The following ME3 variants were observed in gnomAD, a reference collection of about 807,000 sequenced individuals.
The protein encoded by ME3 is NADP-dependent malic enzyme, mitochondrial.
Under a neutral mutation model 68.9 loss-of-function variants are expected in ME3, and 48 were observed. That is an observed-to-expected ratio of 0.70 (90% CI 0.55 to 0.89). ME3 has a LOEUF of 0.89. Among genes scored for constraint, ME3 ranks in the 40% least tolerant of loss-of-function variants. ME3 has a pLI of 0.00. For synonymous variants in ME3, 320 were observed against 318.8 expected, an observed-to-expected ratio of 1.00 and a Z score of -0.04; for missense variants, 675 against 797.4, an observed-to-expected ratio of 0.85 and a Z score of 1.85.
chr11:86,530,056 C>A (rs975064224), intron 4 of ME3, among the ~76,000 whole-genome samples: 44 of 152,218 alleles, frequency 2.9e-4, no homozygotes, highest in African/African-American at 5.3e-4. Context: ...GAAAAGAGGA[C>A]GTCAAATTGT....
chr11:86,571,852 C>T (rs1346291877), intron 2 of ME3, among the ~76,000 whole-genome samples: 3 of 152,190 alleles, frequency 2.0e-5, no homozygotes, highest in Middle Eastern at 3.2e-3. Context: ...GGCCTGTGGC[C>T]ACACCTGGGA....
chr11:86,486,074 G>A (rs180944876), intron 7 of ME3, among the ~76,000 whole-genome samples: 3 of 151,842 alleles, frequency 2.0e-5, no homozygotes, highest in Non-Finnish European at 4.4e-5. Context: ...ACTCCCCCTC[G>A]CTCCCACCAC....
chr11:86,481,970 A>G (rs1594126527), intron 7 of ME3, among the ~76,000 whole-genome samples: 1 of 152,224 alleles, frequency 6.6e-6, no homozygotes, highest in East Asian at 1.9e-4. Context: ...AGCTGGCACA[A>G]GGAATGAAAC....
chr11:86,632,680 G>T (rs576881569), intron 2 of ME3, among the ~76,000 whole-genome samples: 5 of 152,174 alleles, frequency 3.3e-5, no homozygotes, highest in African/African-American at 1.2e-4. Context: ...GACAGCCTGC[G>T]CTGTGAAGGA....
At chr11:86,495,390 A>G (rs1952257379) in intron 6 of ME3, among the ~76,000 whole-genome samples, 1 of 152,188 alleles carries the variant, frequency 6.6e-6, no homozygotes, top group Non-Finnish European at 1.5e-5. Flanking sequence ...TGAGTGCTGG[A>G]CCTTCAATGA....
intron 2 of ME3, among the ~76,000 whole-genome samples, chr11:86,651,056 C>G (rs570304284): frequency 6.6e-6 from 1 of 152,212 alleles, no homozygotes; most frequent in Non-Finnish European, 1.5e-5. Flanking sequence ...GAGGGGCACC[C>G]GCCATTGCTG....
At chr11:86,448,244 G>A (rs1949434054) in exon 11 of ME3, 2 of 1,613,834 alleles carry the variant, frequency 1.2e-6, no homozygotes, top group African/African-American at 2.7e-5. Flanking sequence ...CATGGTTCAG[G>A]TGGCTCCTCC....
chr11:86,475,851 G>GTATATATATATATATATATATATATA (rs68158647), intron 7 of ME3, among the ~76,000 whole-genome samples: 1 of 114,636 alleles, frequency 8.7e-6, no homozygotes, highest in African/African-American at 3.7e-5. Context: ...CTAATATTCA[G>GTATATATATATATATATATATATATA]TATATATATA....
intron 2 of ME3, among the ~76,000 whole-genome samples, chr11:86,560,702 ATATGTG>A (rs777976661): frequency 3.3e-4 from 18 of 54,528 alleles, no homozygotes; most frequent in East Asian, 7.9e-4. Flanking sequence ...GTATATAATG[ATATGTG>A]TGTGTGTGTG....
At chr11:86,617,062 T>TTTTTTG in intron 2 of ME3, among the ~76,000 whole-genome samples, 1 of 139,290 alleles carries the variant, frequency 7.2e-6, no homozygotes, top group Non-Finnish European at 1.6e-5. Context: ...TTTTTTTTTT[T>TTTTTTG]TTTTTTTTTT....
chr11:86,446,060 G>T (rs768243158), intron 13 of ME3, among the ~76,000 whole-genome samples: 2 of 152,104 alleles, frequency 1.3e-5, no homozygotes, highest in South Asian at 4.1e-4. Context: ...TATGAGGCAT[G>T]TCTCCTCCTC....
At chr11:86,645,848 C>T (rs546530765) in intron 2 of ME3, among the ~76,000 whole-genome samples, 15 of 152,248 alleles carry the variant, frequency 9.9e-5, no homozygotes, top group African/African-American at 3.1e-4. Context: ...AGCTTCCAGA[C>T]GAAGGAACAG....
At chr11:86,572,393 C>T (rs1957850027) in intron 2 of ME3, among the ~76,000 whole-genome samples, 1 of 152,080 alleles carries the variant, frequency 6.6e-6, no homozygotes, top group Admixed American at 6.5e-5. Context: ...GCTTCAAGCC[C>T]TGGATGCATT....
intron 6 of ME3, among the ~76,000 whole-genome samples, chr11:86,496,176 C>T (rs769278457): frequency 1.2e-4 from 18 of 151,982 alleles, no homozygotes; most frequent in Admixed American, 3.3e-4. Flanking sequence ...GAGGCTGAGG[C>T]GGGCAGATCA....
At chr11:86,480,156 G>A (rs1327526877) in intron 7 of ME3, among the ~76,000 whole-genome samples, 5 of 152,194 alleles carry the variant, frequency 3.3e-5, no homozygotes, top group Admixed American at 3.3e-4. Flanking sequence ...TCTCATTACA[G>A]TGCCTAGTAG....
chr11:86,529,404 T>C (rs565305105), intron 4 of ME3, among the ~76,000 whole-genome samples: 103 of 152,190 alleles, frequency 6.8e-4, no homozygotes, highest in Non-Finnish European at 1.3e-3. Context: ...CCAGATGGAT[T>C]CACAGCCGAA....
intron 2 of ME3, among the ~76,000 whole-genome samples, chr11:86,603,641 C>T (rs1376882440): frequency 6.6e-6 from 1 of 152,070 alleles, no homozygotes; most frequent in African/African-American, 2.4e-5. Flanking sequence ...AAGACACATG[C>T]ATACATATGT....
At chr11:86,550,526 TAC>T (rs975727681) in intron 4 of ME3, among the ~76,000 whole-genome samples, 1 of 152,322 alleles carries the variant, frequency 6.6e-6, no homozygotes, top group African/African-American at 2.4e-5. Context: ...GCAGACCTTG[TAC>T]ACAGTCTACT....
At chr11:86,491,750 T>C (rs922995231) in intron 6 of ME3, among the ~76,000 whole-genome samples, 1 of 152,250 alleles carries the variant, frequency 6.6e-6, no homozygotes, top group Non-Finnish European at 1.5e-5. Flanking sequence ...GCAGACAGTA[T>C]TGCCAGATAA....
Sources: allele counts gnomAD v4.1 joint callset (sites outside exome capture counted in the v4.1 genomes callset), GRCh38; gene constraint gnomAD v4.1.1; transcripts MANE v1.5; gene names NCBI Gene and HGNC (gene_info 2026-07-23, HGNC 2026-07-21).